KSR2: variants seen among roughly 807,000 people sequenced by gnomAD.
The protein encoded by KSR2 is kinase suppressor of ras 2.
In KSR2, 25 loss-of-function variants were observed where a neutral mutation model predicts 107.8. That is an observed-to-expected ratio of 0.23 (90% CI 0.17 to 0.32). The LOEUF (loss-of-function observed/expected upper bound fraction) is 0.32, where lower values mean the gene tolerates loss of function less well. Among genes scored for constraint, KSR2 ranks in the 10% least tolerant of loss-of-function variants. The probability of loss-of-function intolerance (pLI) is 1.00; values close to 1 mark genes in which losing one functional copy is unlikely to be tolerated. For synonymous variants in KSR2, 480 were observed against 507.0 expected (o/e 0.95, Z 0.71); for missense variants, 887 against 1,268.9 (o/e 0.70, Z 4.57).
intron 4 of KSR2, among the ~76,000 whole-genome samples, chr12:117,740,281 A>T (rs564072471): frequency 6.8e-6 from 1 of 146,984 alleles, no homozygotes; most frequent in East Asian, 2.0e-4. Flanking sequence ...ATGGCTGAGT[A>T]GTATTCCATC....
intron 4 of KSR2, among the ~76,000 whole-genome samples, chr12:117,750,265 AAAAAG>A (rs1438773164): frequency 1.7e-4 from 25 of 151,244 alleles, no homozygotes; most frequent in African/African-American, 5.8e-4. Context: ...AAAAAAAAAA[AAAAAG>A]AAGAACTTTC....
intron 5 of KSR2, among the ~76,000 whole-genome samples, chr12:117,636,927 T>C (rs1175013081): frequency 6.6e-6 from 1 of 151,734 alleles, no homozygotes; most frequent in African/African-American, 2.4e-5. Flanking sequence ...GAATTCAGAA[T>C]ACTTTTTTAG....
chr12:117,673,718 G>A (rs1461572459), intron 4 of KSR2, among the ~76,000 whole-genome samples: 2 of 152,140 alleles, frequency 1.3e-5, no homozygotes, highest in Admixed American at 1.3e-4. Context: ...TGTTTCTAAT[G>A]ACTGTGACTG....
chr12:117,624,260 T>A (rs1047670989), intron 5 of KSR2, among the ~76,000 whole-genome samples: 10 of 152,360 alleles, frequency 6.6e-5, no homozygotes, highest in African/African-American at 2.4e-4. Context: ...TTGGCTTTTG[T>A]TGCCATTGCT....
At chr12:117,963,797 T>C (rs1896722360) in intron 1 of KSR2, among the ~76,000 whole-genome samples, 1 of 152,072 alleles carries the variant, frequency 6.6e-6, no homozygotes, top group Admixed American at 6.6e-5. Flanking sequence ...CTGGGCAAAA[T>C]GGTCTCTAGG....
At chr12:117,467,539 C>T (rs1307882220) in intron 19 of KSR2, among the ~76,000 whole-genome samples, 1 of 152,180 alleles carries the variant, frequency 6.6e-6, no homozygotes, top group African/African-American at 2.4e-5. Flanking sequence ...AGTGTTTTGC[C>T]AAAGGGCACA....
intron 1 of KSR2, among the ~76,000 whole-genome samples, chr12:117,943,395 A>G (rs1292474824): frequency 6.6e-6 from 1 of 151,438 alleles, no homozygotes; most frequent in African/African-American, 2.4e-5. Flanking sequence ...AAAGCTATAG[A>G]AGAAACTTCT....
Position 117,668,737 on chromosome 12 carries a change from A to G in KSR2, c.987-1079T>C, listed in dbSNP as rs191170919. The stretch of plus-strand genomic sequence containing the variant: ...ATACAAAGTATAAACATGAATTATC[A>G]TTATTATATTATGGATATCTGTCTG... On this transcript the variant is annotated intron_variant, in intron 4 of 19. Coordinates refer to ENST00000339824, the MANE Select transcript of KSR2 (RefSeq NM_173598.6). Among the ~76,000 whole-genome samples, 20 of 152,262 alleles carry G rather than the reference A, an allele frequency of 1.3e-4. No homozygotes were observed. The East Asian group carries it at 3.7e-3, about 28-fold the overall frequency.
intron 3 of KSR2, among the ~76,000 whole-genome samples, chr12:117,786,677 G>A (rs373973580): frequency 2.0e-4 from 29 of 141,692 alleles, no homozygotes; most frequent in Admixed American, 2.8e-4. Context: ...TTAACTGGGC[G>A]TGGTGGTGGG....
At chr12:117,963,747 A>G (rs537211028) in intron 1 of KSR2, among the ~76,000 whole-genome samples, 2 of 152,316 alleles carry the variant, frequency 1.3e-5, no homozygotes, top group East Asian at 1.9e-4. Context: ...TTAGTGGCCT[A>G]AATTCATTTC....
chr12:117,797,080 G>C (rs978675493), intron 3 of KSR2, among the ~76,000 whole-genome samples: 2 of 152,090 alleles, frequency 1.3e-5, no homozygotes, highest in African/African-American at 4.8e-5. Flanking sequence ...CTGGGTTAGG[G>C]CTCCTCAAAA....
intron 4 of KSR2, among the ~76,000 whole-genome samples, chr12:117,722,479 A>G (rs1887249845): frequency 6.6e-6 from 1 of 152,210 alleles, no homozygotes; most frequent in African/African-American, 2.4e-5. Flanking sequence ...GCAGTAAACA[A>G]GTTGGCCAAA....
At chr12:117,520,870 T>G (rs816192) in intron 14 of KSR2, among the ~76,000 whole-genome samples, 113,492 of 151,488 alleles carry the variant, frequency 0.75, 42,849 homozygotes, top group East Asian at 0.96. Flanking sequence ...TCGAGGGCAT[T>G]TTGGTTGTCA....
chr12:117,641,795 C>T (rs941104407), intron 5 of KSR2, among the ~76,000 whole-genome samples: 24 of 152,096 alleles, frequency 1.6e-4, no homozygotes, highest in Non-Finnish European at 7.4e-5. Flanking sequence ...AGAAACAGCA[C>T]GGTTTAGTAG....
At chr12:117,849,176 C>T (rs987958650) in intron 3 of KSR2, among the ~76,000 whole-genome samples, 1 of 152,110 alleles carries the variant, frequency 6.6e-6, no homozygotes, top group African/African-American at 2.4e-5. Flanking sequence ...TGACCAGTCC[C>T]TCCATTCCAG....
chr12:117,541,599 C>T (rs912665742), intron 9 of KSR2, among the ~76,000 whole-genome samples: 2 of 152,138 alleles, frequency 1.3e-5, no homozygotes, highest in Non-Finnish European at 2.9e-5. Context: ...TTGATCCCTC[C>T]ATTACTCAGA....
chr12:117,942,116 T>C (rs1041387434), intron 1 of KSR2, among the ~76,000 whole-genome samples: 2 of 152,194 alleles, frequency 1.3e-5, no homozygotes, highest in Non-Finnish European at 2.9e-5. Context: ...TACACATATA[T>C]GGGGTTCGTG....
At chr12:117,933,703 T>C (rs926424117) in intron 1 of KSR2, among the ~76,000 whole-genome samples, 10 of 152,348 alleles carry the variant, frequency 6.6e-5, no homozygotes, top group Admixed American at 2.0e-4. Flanking sequence ...CTTTGGTTTA[T>C]GGTTATGGCA....
chr12:117,600,144 G>A (rs1438567291), intron 5 of KSR2, among the ~76,000 whole-genome samples: 1 of 152,166 alleles, frequency 6.6e-6, no homozygotes, highest in Non-Finnish European at 1.5e-5. Context: ...ATTGAGAAAT[G>A]GGTCTGAGCC....
Sources: allele counts gnomAD v4.1 joint callset (sites outside exome capture counted in the v4.1 genomes callset), GRCh38; gene constraint gnomAD v4.1.1; transcripts MANE v1.5; gene names NCBI Gene and HGNC (gene_info 2026-07-23, HGNC 2026-07-21).